The following CCDC148 variants were observed in gnomAD, a reference collection of about 807,000 sequenced individuals.
The protein encoded by CCDC148 is coiled-coil domain-containing protein 148.
Under a neutral mutation model 85.7 loss-of-function variants are expected in CCDC148, and 89 were observed. The observed-to-expected ratio is 1.04, with a 90% CI of 0.87 to 1.24. CCDC148 has a LOEUF of 1.24. CCDC148 is among the 50% of genes most tolerant of loss of function. CCDC148 has a pLI of 0.00. For synonymous variants in CCDC148, 230 were observed against 213.9 expected (o/e 1.08, Z -0.66); for missense variants, 692 against 671.7 (o/e 1.03, Z -0.33).
At chr2:158,211,974 A>C (rs10170480) in intron 11 of CCDC148, among the ~76,000 whole-genome samples, 10,893 of 152,248 alleles carry the variant, frequency 0.072, 573 homozygotes, top group African/African-American at 0.15. Flanking sequence ...ATGAACACAC[A>C]CATCTCCCAC....
At chr2:158,292,182 T>C (rs906170231) in intron 9 of CCDC148, among the ~76,000 whole-genome samples, 4 of 152,186 alleles carry the variant, frequency 2.6e-5, no homozygotes, top group Admixed American at 6.5e-5. Flanking sequence ...ACATTTATTA[T>C]AATAAAACAA....
chr2:158,255,558 G>A (rs1261636901), intron 9 of CCDC148, among the ~76,000 whole-genome samples: 7 of 151,696 alleles, frequency 4.6e-5, no homozygotes, highest in South Asian at 4.1e-4. Flanking sequence ...TTTTCAAGAC[G>A]CCTAAGGATA....
chr2:158,352,883 A>C (rs1471055985), intron 2 of CCDC148, among the ~76,000 whole-genome samples: 1 of 152,126 alleles, frequency 6.6e-6, no homozygotes, highest in Non-Finnish European at 1.5e-5. Flanking sequence ...ATCTCTTGGC[A>C]GAAACCCTAC....
rs529314042 is a variant in CCDC148 at position 158,391,721 on chromosome 2, C to T, written c.26-33151G>A. On this transcript the variant is annotated intron_variant, in intron 1 of 13. Coordinates refer to ENST00000283233, the MANE Select transcript of CCDC148 (RefSeq NM_138803.4). ...ATGAATTAGATTCTTTTCACTTATA[C>T]TGAAGGATGAGGCATGGGCTTGCAG... is the stretch of plus-strand genomic sequence containing the variant. Among the ~76,000 whole-genome samples the T allele has an allele frequency of 4.3e-4, 66 of 152,258 alleles. 1 individual carries two copies. The highest frequency in any genetic ancestry group is 1.5e-3 in the African/African-American group (62 of 41,562).
chr2:158,278,303 C>A (rs756338299), intron 9 of CCDC148, among the ~76,000 whole-genome samples: 1 of 151,982 alleles, frequency 6.6e-6, no homozygotes, highest in Non-Finnish European at 1.5e-5. Flanking sequence ...TCACCATGCA[C>A]GAGCCTAAGC....
Position 158,449,609 on chromosome 2 carries a change from A to G in CCDC148, c.25+6806T>C, listed in dbSNP as rs1274224599. Reference sequence around the variant, plus strand: ...CACTATAGGCACCCACCACCATGCCAAGCTAATTTTTGTATTTTTAGTAGA... The same window carrying G: ...CACTATAGGCACCCACCACCATGCCGAGCTAATTTTTGTATTTTTAGTAGA... On this transcript the variant is annotated intron_variant, in intron 1 of 13. Coordinates refer to ENST00000283233, the MANE Select transcript of CCDC148 (RefSeq NM_138803.4). Among the ~76,000 whole-genome samples, 4 of 151,964 alleles carry G rather than the reference A, an allele frequency of 2.6e-5. No individual in the cohort carries two copies. In the South Asian group the frequency reaches 8.3e-4, roughly 32 times the overall value.
intron 9 of CCDC148, among the ~76,000 whole-genome samples, chr2:158,251,957 T>A (rs1428902994): frequency 3.3e-5 from 5 of 151,752 alleles, no homozygotes; most frequent in African/African-American, 1.2e-4. Flanking sequence ...TTTCAATAAG[T>A]ATTTATTATC....
chr2:158,263,542 A>G (rs1347341014), intron 9 of CCDC148, among the ~76,000 whole-genome samples: 1 of 152,070 alleles, frequency 6.6e-6, no homozygotes, highest in African/African-American at 2.4e-5. Flanking sequence ...GGAGATACTC[A>G]ATAAAACTCA....
chr2:158,340,964 C>T (rs552923355), intron 3 of CCDC148, among the ~76,000 whole-genome samples: 2 of 152,042 alleles, frequency 1.3e-5, no homozygotes, highest in Non-Finnish European at 2.9e-5. Context: ...GTAGGCTGAC[C>T]TCACTTCCTC....
chr2:158,376,095 T>C (rs748356236), intron 1 of CCDC148, among the ~76,000 whole-genome samples: 2 of 152,106 alleles, frequency 1.3e-5, no homozygotes, highest in Non-Finnish European at 2.9e-5. Flanking sequence ...AGTATAAAAA[T>C]TGTTCTAGAA....
intron 9 of CCDC148, among the ~76,000 whole-genome samples, chr2:158,298,379 A>G (rs1691293295): frequency 6.6e-6 from 1 of 152,120 alleles, no homozygotes; most frequent in Non-Finnish European, 1.5e-5. Context: ...TCTTAAAAAT[A>G]TAGGTTGATG....
chr2:158,403,407 G>T (rs988701145), intron 1 of CCDC148, among the ~76,000 whole-genome samples: 5 of 151,902 alleles, frequency 3.3e-5, no homozygotes, highest in Non-Finnish European at 7.4e-5. Flanking sequence ...ACCTTCTCCA[G>T]AAGGCACAAA....
intron 1 of CCDC148, among the ~76,000 whole-genome samples, chr2:158,399,785 C>G (rs573320928): frequency 9.7e-4 from 147 of 152,098 alleles, no homozygotes; most frequent in Admixed American, 2.8e-3. Flanking sequence ...GGCAATCAGG[C>G]AAGAGAATGA....
intron 1 of CCDC148, among the ~76,000 whole-genome samples, chr2:158,388,597 C>T (rs547036295): frequency 1.0e-3 from 155 of 152,218 alleles, no homozygotes; most frequent in African/African-American, 3.6e-3. Flanking sequence ...TGAGTTCAAG[C>T]GATTCTCCTG....
intron 1 of CCDC148, among the ~76,000 whole-genome samples, chr2:158,411,648 T>C (rs1686265455): frequency 6.6e-6 from 1 of 152,152 alleles, no homozygotes; most frequent in Admixed American, 6.5e-5. Context: ...TTTAAACAAA[T>C]TATTTTAAAT....
At chr2:158,345,088 A>G (rs961812803) in intron 3 of CCDC148, 127 bp downstream of exon 3, 61 of 602,100 alleles carry the variant, frequency 1.0e-4, no homozygotes, top group Non-Finnish European at 1.4e-4. Flanking sequence ...TTTGACTCAC[A>G]TTCAAATCGT....
chr2:158,221,063 A>G (rs908676380), intron 10 of CCDC148, among the ~76,000 whole-genome samples: 1 of 152,228 alleles, frequency 6.6e-6, no homozygotes, highest in Non-Finnish European at 1.5e-5. Flanking sequence ...TTACTCAAGA[A>G]TATTTTTATC....
intron 1 of CCDC148, among the ~76,000 whole-genome samples, chr2:158,420,321 T>G (rs1686711876): frequency 6.6e-6 from 1 of 152,022 alleles, no homozygotes; most frequent in Admixed American, 6.6e-5. Flanking sequence ...GTAAAAATGT[T>G]AAGGGCAGCC....
chr2:158,390,343 G>C (rs992501471), intron 1 of CCDC148, among the ~76,000 whole-genome samples: 2 of 152,064 alleles, frequency 1.3e-5, no homozygotes, highest in African/African-American at 4.8e-5. Flanking sequence ...AGGCCAAATA[G>C]GCCAGGAAGA....
Sources: gnomAD v4.1 joint callset for allele counts (sites outside exome capture counted in the v4.1 genomes callset) on GRCh38, gnomAD v4.1.1 for gene constraint, MANE v1.5 for transcripts, NCBI Gene and HGNC (gene_info 2026-07-23, HGNC 2026-07-21) for gene names.